The following IGF1R variants were observed in gnomAD, a reference collection of about 807,000 sequenced individuals.
IGF1R encodes insulin like growth factor 1 receptor, also known as insulin-like growth factor 1 receptor.
In IGF1R, 44 loss-of-function variants were observed where a neutral mutation model predicts 144.6. The observed-to-expected ratio is 0.30, with a 90% confidence interval of 0.24 to 0.39. The LOEUF (loss-of-function observed/expected upper bound fraction) is 0.39. IGF1R is among the 10% of genes least tolerant of loss of function. The pLI is 1.00. For synonymous variants in IGF1R, 795 were observed against 722.8 expected (o/e 1.10, Z -1.60); for missense variants, 1,355 against 1,833.7 (o/e 0.74, Z 4.77).
intron 1 of IGF1R, among the ~76,000 whole-genome samples, chr15:98,687,498 G>A (rs959734622): frequency 5.9e-5 from 9 of 152,222 alleles, no homozygotes; most frequent in African/African-American, 1.9e-4. Flanking sequence ...AGAGTCTTAG[G>A]CCATTTCAAG....
chr15:98,834,128 T>C (rs554918281), intron 2 of IGF1R, among the ~76,000 whole-genome samples: 4 of 152,370 alleles, frequency 2.6e-5, no homozygotes, highest in East Asian at 1.9e-4. Context: ...TGCTGGAGCA[T>C]GTAACAGCTG....
At position 98,930,224 on chromosome 15, in the gene IGF1R, C is replaced by T. The variant is rs779915586; in HGVS notation, c.2886-11C>T. The T allele has an allele frequency of 6.2e-7, 1 of 1,608,430 alleles. No individual in the cohort carries two copies. Among genetic ancestry groups the T allele is most frequent in the Non-Finnish European group, 8.5e-7 (1 of 1,175,172 alleles). On this transcript the variant is annotated splice_polypyrimidine_tract_variant and intron_variant, in intron 14 of 20. Coordinates refer to ENST00000650285, the MANE Select transcript of IGF1R (RefSeq NM_000875.5). ...GGGGTTTTGTTAACGTGAATTTAAT[C>T]TTTTTGACAGAAATAACAGCAGGCT...
At chr15:98,928,600 C>G (rs1458567821) in intron 13 of IGF1R, among the ~76,000 whole-genome samples, 1 of 152,226 alleles carries the variant, frequency 6.6e-6, no homozygotes, top group East Asian at 1.9e-4. Context: ...CCCCACAACC[C>G]CCAAGGAAAG....
At chr15:98,684,792 A>G (rs1054412989) in intron 1 of IGF1R, among the ~76,000 whole-genome samples, 2 of 151,994 alleles carry the variant, frequency 1.3e-5, no homozygotes, top group African/African-American at 4.8e-5. Flanking sequence ...CTTGCATTCT[A>G]TCCAGCGCTA....
At chr15:98,723,073 A>C (rs1322690006) in intron 2 of IGF1R, among the ~76,000 whole-genome samples, 1 of 151,996 alleles carries the variant, frequency 6.6e-6, no homozygotes, top group Admixed American at 6.5e-5. Context: ...ACCCGTGGCC[A>C]CCGAGAGAGA....
intron 1 of IGF1R, among the ~76,000 whole-genome samples, chr15:98,650,433 T>C (rs2052330536): frequency 6.6e-6 from 1 of 152,188 alleles, no homozygotes; most frequent in South Asian, 2.1e-4. Context: ...CCGGGAGTCT[T>C]CCTCAGCTTG....
At position 98,862,922 on chromosome 15, in the gene IGF1R, G is replaced by A. The variant is rs111235919; in HGVS notation, c.641-28403G>A. Among the ~76,000 whole-genome samples the A allele has an allele frequency of 1.8e-4, 27 of 152,168 alleles. 1 individual carries two copies. Among genetic ancestry groups the A allele is most frequent in the African/African-American group, 6.3e-4 (26 of 41,524 alleles). ...TTAACATCTTACATAACCGTAATACGGTTATCAAAACAGTGTTCACTCCAT... is the reference window on the plus strand; with the variant it reads ...TTAACATCTTACATAACCGTAATACAGTTATCAAAACAGTGTTCACTCCAT... On this transcript the variant is annotated intron_variant, in intron 2 of 20. Coordinates refer to ENST00000650285, the MANE Select transcript of IGF1R (RefSeq NM_000875.5).
intron 3 of IGF1R, among the ~76,000 whole-genome samples, chr15:98,896,152 A>C (rs1357376616): frequency 6.6e-6 from 1 of 152,224 alleles, no homozygotes; most frequent in African/African-American, 2.4e-5. Context: ...GGATCAATTT[A>C]CAAGTTTCTG....
In IGF1R at chr15:98,795,770, G is replaced by A. The variant is rs1188078081; in HGVS notation, c.640+87663G>A. ...TTTTAATAAGCATGTTTTTACAAAT[G>A]CTGTTTCCTGAGAACTGTCGCACCA... On this transcript the variant is annotated intron_variant, in intron 2 of 20. Transcript: ENST00000650285. Among the ~76,000 whole-genome samples the A allele has an allele frequency of 2.8e-4, 42 of 152,242 alleles. 1 individual carries two copies. Among genetic ancestry groups the A allele is most frequent in the Admixed American group, 2.7e-3 (42 of 15,284 alleles).
intron 2 of IGF1R, among the ~76,000 whole-genome samples, chr15:98,825,188 CAGTGGCACCATATACAGTGGCACCATATT>C (rs1045896793): frequency 4.1e-5 from 6 of 147,910 alleles, no homozygotes; most frequent in African/African-American, 1.6e-4. Flanking sequence ...AGACCATATA[CAGTGGCACCATATACAGTGGCACCATATT>C]AGTGGCACCA....
intron 1 of IGF1R, among the ~76,000 whole-genome samples, chr15:98,679,879 C>T (rs866377174): frequency 4.0e-5 from 6 of 151,790 alleles, no homozygotes; most frequent in Admixed American, 2.0e-4. Flanking sequence ...ATGGATGATC[C>T]GGACCCTTTG....
chr15:98,699,547 T>G (rs1441653921), intron 1 of IGF1R, among the ~76,000 whole-genome samples: 1 of 152,196 alleles, frequency 6.6e-6, no homozygotes, highest in Non-Finnish European at 1.5e-5. Flanking sequence ...AAAACGGTTG[T>G]TACAAATACA....
intron 2 of IGF1R, among the ~76,000 whole-genome samples, chr15:98,864,951 G>A (rs1335710088): frequency 6.6e-6 from 1 of 152,068 alleles, no homozygotes; most frequent in Non-Finnish European, 1.5e-5. Flanking sequence ...TGTGGCCCTC[G>A]TTTTTCCTCA....
intron 3 of IGF1R, among the ~76,000 whole-genome samples, chr15:98,893,111 A>C (rs1225682157): frequency 6.6e-6 from 1 of 152,226 alleles, no homozygotes; most frequent in Admixed American, 6.5e-5. Flanking sequence ...GTCAAAATCT[A>C]TTCTACAAAT....
intron 5 of IGF1R, among the ~76,000 whole-genome samples, chr15:98,903,089 G>A (rs1343989858): frequency 6.6e-6 from 1 of 152,180 alleles, no homozygotes; most frequent in East Asian, 1.9e-4. Flanking sequence ...TAGACATTAA[G>A]AAAATCAAGA....
chr15:98,653,463 ATTG>A (rs370225593), intron 1 of IGF1R, among the ~76,000 whole-genome samples: 3 of 152,328 alleles, frequency 2.0e-5, no homozygotes, highest in African/African-American at 7.2e-5. Flanking sequence ...TTAATGCAGT[ATTG>A]TTGTTTCTTT....
chr15:98,853,386 G>T (rs2011622954), intron 2 of IGF1R, among the ~76,000 whole-genome samples: 1 of 152,138 alleles, frequency 6.6e-6, no homozygotes, highest in South Asian at 2.1e-4. Context: ...CGGAGTTTGC[G>T]TGGCCCGGAG....
intron 20 of IGF1R, among the ~76,000 whole-genome samples, chr15:98,951,594 T>C (rs540815238): frequency 6.6e-6 from 1 of 152,338 alleles, no homozygotes; most frequent in East Asian, 1.9e-4. Flanking sequence ...CTTCTCGCGG[T>C]TGCAGCCCAG....
At chr15:98,843,570 T>G (rs145700021) in intron 2 of IGF1R, among the ~76,000 whole-genome samples, 2 of 152,114 alleles carry the variant, frequency 1.3e-5, no homozygotes, top group South Asian at 4.1e-4. Flanking sequence ...AAAATATTTT[T>G]AAAATATTTT....
Sources: gnomAD v4.1 joint callset for allele counts (sites outside exome capture counted in the v4.1 genomes callset) on GRCh38, gnomAD v4.1.1 for gene constraint, MANE v1.5 for transcripts, NCBI Gene and HGNC (gene_info 2026-07-23, HGNC 2026-07-21) for gene names.